TRMT11: variants seen among roughly 807,000 people sequenced by gnomAD.
TRMT11 encodes tRNA methyltransferase 11, also known as tRNA (guanine(10)-N(2))-methyltransferase TRMT11.
Under a neutral mutation model 62.8 loss-of-function variants are expected in TRMT11, and 53 were observed. The observed-to-expected ratio is 0.84, with a 90% CI of 0.68 to 1.06. TRMT11 has a LOEUF of 1.06. Ranked by LOEUF, TRMT11 falls within the 50% of genes least tolerant of loss-of-function variation. The pLI, the probability that TRMT11 is intolerant of heterozygous loss-of-function variation, is 0.00. For missense variants in TRMT11, 556 were observed against 553.4 expected (o/e 1.00, Z -0.05); for synonymous variants, 188 against 190.3 (o/e 0.99, Z 0.10).
intron 2 of TRMT11, among the ~76,000 whole-genome samples, chr6:125,995,664 G>A (rs1305635261): frequency 1.3e-5 from 2 of 152,142 alleles, no homozygotes; most frequent in Admixed American, 1.3e-4. Context: ...TGAATTTCAA[G>A]ATTATACTTT....
rs77414207 is a variant in TRMT11, at chr6:126,191,464, CTTTTTTTTT to C, written n.144-7324_144-7316del. Among the ~76,000 whole-genome samples, 203 of 102,376 alleles carry C rather than the reference CTTTTTTTTT, an allele frequency of 2.0e-3. 1 individual carries two copies. The highest frequency in any genetic ancestry group is 6.3e-3 in the Admixed American group (65 of 10,258). 67.2% of individuals were successfully genotyped at this position (102,376 alleles called of 152,430 possible). Reference sequence around the variant, plus strand: ...TTTAGCTTGATGTAATCCTACTTGTCTTTTTTTTTTTTTTTTTTTGCTTTTGTAGCTGTG... The same window carrying C: ...TTTAGCTTGATGTAATCCTACTTGTCTTTTTTTTTTGCTTTTGTAGCTGTG... On this transcript the variant is annotated intron_variant and non_coding_transcript_variant, in intron 1 of 3. Transcript: ENST00000444229.
chr6:126,037,592 G>C (rs894054195), intron 12 of TRMT11, among the ~76,000 whole-genome samples: 10 of 151,908 alleles, frequency 6.6e-5, no homozygotes, highest in Non-Finnish European at 1.0e-4. Flanking sequence ...GGAAATCTGG[G>C]CATGTTTAAT....
At chr6:126,223,958 T>C in the TRMT11 span, among the ~76,000 whole-genome samples, 20 of 152,374 alleles carry the variant, frequency 1.3e-4, no homozygotes, top group African/African-American at 3.6e-4. Flanking sequence ...GATTGTATTA[T>C]GAAATTCTTG....
intron 17 of TRMT11, among the ~76,000 whole-genome samples, chr6:126,075,194 A>G (rs1248352382): frequency 1.3e-5 from 2 of 152,166 alleles, no homozygotes; most frequent in Non-Finnish European, 2.9e-5. Context: ...TCACTCTCTT[A>G]TTAAAGGAAA....
At chr6:126,145,228 C>T (rs1777960632) in intron 21 of TRMT11, among the ~76,000 whole-genome samples, 1 of 152,178 alleles carries the variant, frequency 6.6e-6, no homozygotes, top group Admixed American at 6.5e-5. Context: ...AAACACTACA[C>T]TTACATTAAG....
At chr6:126,171,854 G>T (rs1778333325) in intron 21 of TRMT11, among the ~76,000 whole-genome samples, 1 of 152,006 alleles carries the variant, frequency 6.6e-6, no homozygotes, top group Non-Finnish European at 1.5e-5. Context: ...GAGTACCTAG[G>T]ATTACGGGCA....
At chr6:126,144,571 TC>T (rs957801882) in intron 21 of TRMT11, among the ~76,000 whole-genome samples, 8 of 152,254 alleles carry the variant, frequency 5.3e-5, no homozygotes, top group African/African-American at 7.2e-5. Context: ...AGTTTGCCTC[TC>T]CCCAAAGCTT....
At chr6:126,163,214 T>C (rs757142122) in intron 21 of TRMT11, among the ~76,000 whole-genome samples, 8 of 152,198 alleles carry the variant, frequency 5.3e-5, no homozygotes, top group Non-Finnish European at 1.2e-4. Context: ...ATAGCTCTTA[T>C]TATTTTGAGA....
At chr6:126,191,167 T>A (rs907341883) in intron 1 of TRMT11, among the ~76,000 whole-genome samples, 23 of 152,328 alleles carry the variant, frequency 1.5e-4, no homozygotes, top group African/African-American at 5.5e-4. Context: ...CTTATGGTTT[T>A]GATTTGCATT....
the TRMT11 span, among the ~76,000 whole-genome samples, chr6:126,248,984 A>T: frequency 6.6e-6 from 1 of 152,150 alleles, no homozygotes; most frequent in African/African-American, 2.4e-5. Flanking sequence ...TTTGTAATCT[A>T]TCCAAGGGAA....
At chr6:126,205,974 A>T (rs1236355810), downstream of TRMT11, among the ~76,000 whole-genome samples, 1 of 151,994 alleles carries the variant, frequency 6.6e-6, no homozygotes, top group Non-Finnish European at 1.5e-5. Context: ...TAGCTTTTCT[A>T]TATTCCCCTA....
chr6:126,081,654 A>G (rs953640670), intron 17 of TRMT11, among the ~76,000 whole-genome samples: 6 of 152,052 alleles, frequency 3.9e-5, no homozygotes, highest in African/African-American at 7.2e-5. Context: ...AGTTAAAACA[A>G]TTTTTTTGGA....
At chr6:126,091,807 C>T (rs11154343) in intron 17 of TRMT11, among the ~76,000 whole-genome samples, 31,458 of 152,048 alleles carry the variant, frequency 0.21, 4,456 homozygotes, top group Non-Finnish European at 0.32. Flanking sequence ...TAAAGAATGC[C>T]GTGCAGCTTG....
intron 21 of TRMT11, among the ~76,000 whole-genome samples, chr6:126,151,854 C>CT (rs1451517385): frequency 3.2e-5 from 4 of 125,598 alleles, no homozygotes; most frequent in Non-Finnish European, 6.7e-5. Flanking sequence ...TTCTTTCTTT[C>CT]TTTCTTTCTT....
chr6:125,996,857 G>A (rs1791602507), intron 3 of TRMT11, among the ~76,000 whole-genome samples: 2 of 152,032 alleles, frequency 1.3e-5, no homozygotes, highest in East Asian at 1.9e-4. Context: ...GTTGTATTAC[G>A]GAATTGGACA....
chr6:126,126,626 T>C (rs978561179), intron 21 of TRMT11, among the ~76,000 whole-genome samples: 1 of 152,080 alleles, frequency 6.6e-6, no homozygotes, highest in African/African-American at 2.4e-5. Flanking sequence ...TCATGTTTTC[T>C]CTCCCTGGCA....
Position 126,056,827 on chromosome 6 carries a change from G to A in TRMT11, c.*1437+3637G>A, listed in dbSNP as rs118109976. On this transcript the variant is annotated intron_variant and NMD_transcript_variant, in intron 17 of 22. Coordinates refer to the TRMT11 transcript ENST00000648977. ...ACTGGCCTGATAGCTGGGGGCTGGAGCCCTTCTTTATCCACAGAAGATAGG... is the reference window on the plus strand; with the variant it reads ...ACTGGCCTGATAGCTGGGGGCTGGAACCCTTCTTTATCCACAGAAGATAGG... Among the ~76,000 whole-genome samples, 501 of 152,318 alleles carry A rather than the reference G, an allele frequency of 3.3e-3. 2 individuals carry two copies. Among genetic ancestry groups the A allele is most frequent in the Middle Eastern group, 0.01 (3 of 294 alleles).
At chr6:126,238,380 A>G in the TRMT11 span, among the ~76,000 whole-genome samples, 4 of 151,628 alleles carry the variant, frequency 2.6e-5, no homozygotes, top group Non-Finnish European at 5.9e-5. Context: ...ACACTGCTTT[A>G]AATGTGTCCC....
At chr6:126,137,693 A>G (rs1345276277) in intron 21 of TRMT11, among the ~76,000 whole-genome samples, 1 of 151,996 alleles carries the variant, frequency 6.6e-6, no homozygotes, top group Non-Finnish European at 1.5e-5. Flanking sequence ...TAGTATTTGC[A>G]ATAGCCAAGA....
Sources: gnomAD v4.1 joint callset for allele counts (sites outside exome capture counted in the v4.1 genomes callset) on GRCh38, gnomAD v4.1.1 for gene constraint, MANE v1.5 for transcripts, NCBI Gene and HGNC (gene_info 2026-07-23, HGNC 2026-07-21) for gene names.